USP47: variants seen among roughly 807,000 people sequenced by gnomAD.
USP47 encodes ubiquitin specific peptidase 47, also known as ubiquitin carboxyl-terminal hydrolase 47.
In USP47, 35 loss-of-function variants were observed where a neutral mutation model predicts 165.1. The ratio of observed to expected loss-of-function variants is 0.21; its 90% CI spans 0.16 to 0.28. The LOEUF is 0.28. Among genes scored for constraint, USP47 ranks in the 10% least tolerant of loss-of-function variants. The pLI, the probability that USP47 is intolerant of heterozygous loss-of-function variation, is 1.00. For synonymous variants in USP47, 531 were observed against 544.5 expected (o/e 0.98, Z 0.35); for missense variants, 1,277 against 1,607.4 (o/e 0.79, Z 3.52).
At chr11:11,880,155 C>A in intron 1 of USP47, 22 bp from the exon 2 acceptor site, 1 of 1,431,400 alleles carries the variant, frequency 7.0e-7, no homozygotes, top group South Asian at 1.4e-5. Context: ...TATATAAAGT[C>A]ATATTTTTCT....
In USP47 at chr11:11,936,283, G is replaced by C; in HGVS notation, c.1870-20G>C. On this transcript the variant is annotated intron_variant, in intron 16 of 27. Coordinates refer to ENST00000527733, the MANE Select transcript of USP47 (RefSeq NM_001282659.2). Reference sequence around the variant, plus strand: ...ATATGTATATATATTTTTTCTTTCTGGGGGATTACTTTCTTTTAGATGATG... The same window carrying C: ...ATATGTATATATATTTTTTCTTTCTCGGGGATTACTTTCTTTTAGATGATG... 7.0e-7 allele frequency: 1 copy of C among 1,430,782 alleles called. No individual in the cohort carries two copies. The allele number at this position is 1,430,782 out of a possible 1,614,324, so 88.6% of individuals were successfully genotyped here.
intron 1 of USP47, among the ~76,000 whole-genome samples, chr11:11,859,956 TAGCTGGGAGTGGTAGCAC>T (rs1431338982): frequency 1.3e-5 from 2 of 151,706 alleles, no homozygotes; most frequent in Non-Finnish European, 2.9e-5. Context: ...ATACAAAAAT[TAGCTGGGAGTGGTAGCAC>T]ACGCCTGTAG....
At chr11:11,929,917 A>G in intron 12 of USP47, 127 bp from the exon 13 acceptor site, 1 of 761,098 alleles carries the variant, frequency 1.3e-6, no homozygotes, top group Non-Finnish European at 2.1e-6. Context: ...GTGAATTGGT[A>G]GCTGTGTGAG....
intron 8 of USP47, among the ~76,000 whole-genome samples, chr11:11,916,680 C>T (rs1034507292): frequency 5.3e-5 from 8 of 151,320 alleles, no homozygotes; most frequent in Non-Finnish European, 1.2e-4. Context: ...AAGAGAAGAC[C>T]AGCAAAGGGT....
At chr11:11,868,770 C>G (rs1255818255) in intron 1 of USP47, among the ~76,000 whole-genome samples, 1 of 151,556 alleles carries the variant, frequency 6.6e-6, no homozygotes, top group South Asian at 2.1e-4. Context: ...TTCAATTTCT[C>G]TACTTTGCCA....
At position 11,950,452 on chromosome 11, in the gene USP47, A is replaced by G; in HGVS notation, c.3553A>G (p.Asn1185Asp). The change falls in exon 24 of 28, where the codon AAC (asparagine) becomes GAC (aspartate). Residue 1185 changes from asparagine (N) to aspartate (D), a missense_variant. Asn to Asp is a conservative substitution (Grantham distance 23). Around this residue, in one of 4 missense-constraint regions of USP47, gnomAD observed 909 missense variants for 1,068.1 expected, o/e 0.85. Transcript: ENST00000527733. ...TGAAGAAGATATTAATATTTCCAGC[A>G]ACTGGGAGGTTTTCCTTGAAGTTCT... ...IYEEDINISSNWEVFLEVLDG... is the reference protein window; with the variant it reads ...IYEEDINISSDWEVFLEVLDG... 1 of 1,606,422 alleles carries G rather than the reference A, an allele frequency of 6.2e-7. No individual in the cohort carries two copies. Among genetic ancestry groups the G allele is most frequent in the Non-Finnish European group, 8.5e-7 (1 of 1,177,490 alleles).
intron 1 of USP47, among the ~76,000 whole-genome samples, chr11:11,861,320 T>C (rs76165295): frequency 0.011 from 1,661 of 152,252 alleles, 27 homozygotes; most frequent in African/African-American, 0.038. Flanking sequence ...GGTCTCGAAC[T>C]CCTGACCTCG....
chr11:11,933,115 A>C lies in USP47; in HGVS notation c.1763A>C (p.Lys588Thr). 1 of 1,610,890 alleles carries C rather than the reference A, an allele frequency of 6.2e-7. No individual in the cohort carries two copies. The highest frequency in any genetic ancestry group is 8.5e-7 in the Non-Finnish European group (1 of 1,178,356). ...CGAGAAATTGAGCGCAATACATGCAAGGTTGAATTCCATCATTTTATTTTT... is the reference window on the plus strand; with the variant it reads ...CGAGAAATTGAGCGCAATACATGCACGGTTGAATTCCATCATTTTATTTTT... The part of the protein sequence containing the change: ...RQREIERNTC[K>T]IKLFCLHPTK... Residue 588 changes from lysine (K) to threonine (T), a missense_variant and splice_region_variant, in exon 15 of 28, where the codon AAG becomes ACG. By Grantham distance (78) the Lys-to-Thr change is moderately conservative. Transcript: ENST00000527733.
Position 11,958,155 on chromosome 11 carries a change from A to G in USP47, c.*1980A>G, listed in dbSNP as rs1847290717. 1 of 152,168 alleles carries G rather than the reference A, an allele frequency of 6.6e-6. No homozygotes were observed. Among genetic ancestry groups the G allele is most frequent in the African/African-American group, 2.4e-5 (1 of 41,440 alleles). 9.4% of individuals were successfully genotyped at this position (152,168 alleles called of 1,614,324 possible). On this transcript the variant is annotated 3_prime_UTR_variant, in exon 28 of 28. Coordinates refer to ENST00000527733, the MANE Select transcript of USP47 (RefSeq NM_001282659.2). ...CAAAAGAGGCAGACTTGTAAACACAATGGGCTTTGGAGTTTGGTCTGATTG... is the reference window on the plus strand; with the variant it reads ...CAAAAGAGGCAGACTTGTAAACACAGTGGGCTTTGGAGTTTGGTCTGATTG...
intron 5 of USP47, among the ~76,000 whole-genome samples, chr11:11,898,281 C>G (rs1851974187): frequency 6.6e-6 from 1 of 151,706 alleles, no homozygotes; most frequent in South Asian, 2.1e-4. Flanking sequence ...TTTAACACAC[C>G]TTTGCTTTGT....
intron 1 of USP47, among the ~76,000 whole-genome samples, chr11:11,867,976 C>T (rs1849790007): frequency 6.6e-6 from 1 of 152,100 alleles, no homozygotes; most frequent in South Asian, 2.1e-4. Context: ...GAGTACCCTC[C>T]TCCCATCAGC....
chr11:11,915,210 G>T (rs1853323195), intron 8 of USP47, among the ~76,000 whole-genome samples: 1 of 152,134 alleles, frequency 6.6e-6, no homozygotes, highest in African/African-American at 2.4e-5. Flanking sequence ...GAATTATTCC[G>T]AGTGAAAAAA....
intron 1 of USP47, among the ~76,000 whole-genome samples, chr11:11,873,445 A>G (rs1041444274): frequency 6.6e-6 from 1 of 152,158 alleles, no homozygotes; most frequent in East Asian, 1.9e-4. Context: ...ATTTTTAGAG[A>G]CTAGCAAAAT....
intron 19 of USP47, 147 bp from the exon 20 acceptor site, chr11:11,942,188 C>T (rs1251115146): frequency 5.2e-6 from 5 of 960,038 alleles, no homozygotes; most frequent in Non-Finnish European, 7.4e-6. Flanking sequence ...ATTCAGTCTC[C>T]AAAACAATAG....
intron 3 of USP47, among the ~76,000 whole-genome samples, chr11:11,888,455 A>G (rs1038026363): frequency 6.6e-6 from 1 of 152,128 alleles, no homozygotes; most frequent in Non-Finnish European, 1.5e-5. Flanking sequence ...AAAATAGAAA[A>G]TATGGATAAA....
At chr11:11,901,948 G>A (rs1341387818) in intron 5 of USP47, among the ~76,000 whole-genome samples, 1 of 141,986 alleles carries the variant, frequency 7.0e-6, no homozygotes, top group Non-Finnish European at 1.5e-5. Context: ...AACAGAACGA[G>A]ACTCTGTCTC....
At chr11:11,873,780 T>C in intron 1 of USP47, 1 of 1,344,888 alleles carries the variant, frequency 7.4e-7, no homozygotes, top group Non-Finnish European at 9.7e-7. Context: ...TGTAATTCAT[T>C]TTGTTCTTAT....
chr11:11,944,777 C>T (rs1410532579), intron 20 of USP47, among the ~76,000 whole-genome samples: 3 of 152,172 alleles, frequency 2.0e-5, no homozygotes, highest in Admixed American at 1.3e-4. Flanking sequence ...TTTTACCATA[C>T]TCAACCCATC....
intron 10 of USP47, among the ~76,000 whole-genome samples, chr11:11,921,453 T>C (rs1853831567): frequency 6.6e-6 from 1 of 151,880 alleles, no homozygotes; most frequent in African/African-American, 2.4e-5. Flanking sequence ...CCTCTTGACC[T>C]TGGATAATTC....
Sources: gnomAD v4.1 joint callset for allele counts (sites outside exome capture counted in the v4.1 genomes callset) on GRCh38, gnomAD v4.1.1 for gene constraint, gnomAD v4.1.1 regional missense constraint, MANE v1.5 for transcripts, NCBI Gene and HGNC (gene_info 2026-07-23, HGNC 2026-07-21) for gene names.